The following SGK1 variants were observed in gnomAD, a reference collection of about 807,000 sequenced individuals.
SGK1 encodes the protein serine/threonine-protein kinase Sgk1.
SGK1 carries 26 observed loss-of-function variants against 64.2 expected under a neutral mutation model. The ratio of observed to expected loss-of-function variants is 0.40; its 90% CI spans 0.30 to 0.56. The LOEUF is 0.56. Ranked by LOEUF, SGK1 falls within the 20% of genes least tolerant of loss-of-function variation. The probability of loss-of-function intolerance (pLI) is 0.38; values close to 1 mark genes in which losing one functional copy is unlikely to be tolerated. For synonymous variants in SGK1, 265 were observed against 239.7 expected, an observed-to-expected ratio of 1.11 and a Z score of -0.98; for missense variants, 519 against 645.6, an observed-to-expected ratio of 0.80 and a Z score of 2.12.
At chr6:134,175,553 T>G in intron 3 of SGK1, 1 of 1,539,560 alleles carries the variant, frequency 6.5e-7, no homozygotes, top group South Asian at 1.2e-5. Context: ...CCCAGTCCGC[T>G]CAGCAGGAAG....
chr6:134,254,114 C>CTTTTTT, intron 2 of SGK1, among the ~76,000 whole-genome samples: 1 of 126,812 alleles, frequency 7.9e-6, no homozygotes, highest in Admixed American at 8.4e-5. Context: ...CTAGTCTCTC[C>CTTTTTT]TTTTTTTTTT....
In SGK1 at chr6:134,183,110, T is replaced by C. The variant is rs79231973; in HGVS notation, c.362-8524A>G. ...AAGAGGAACAAGATCCAGCTGAACC[T>C]AGCCTCTGTTAGTTTTAATCATTCA... On this transcript the variant is annotated intron_variant, in intron 3 of 13. Transcript: ENST00000367858. Among the ~76,000 whole-genome samples, 292 of 152,322 alleles carry C rather than the reference T, an allele frequency of 1.9e-3. 1 individual carries two copies. Among genetic ancestry groups the C allele is most frequent in the African/African-American group, 6.6e-3 (274 of 41,580 alleles).
At chr6:134,272,286 G>A (rs1776950795) in intron 1 of SGK1, among the ~76,000 whole-genome samples, 1 of 140,044 alleles carries the variant, frequency 7.1e-6, no homozygotes, top group Non-Finnish European at 1.5e-5. Flanking sequence ...GATCACAAGT[G>A]TGCACCACCA....
intron 1 of SGK1, among the ~76,000 whole-genome samples, chr6:134,264,399 T>A (rs768942203): frequency 1.3e-5 from 2 of 152,002 alleles, no homozygotes; most frequent in Non-Finnish European, 2.9e-5. Flanking sequence ...TATTACAGGC[T>A]TGAGCCACTG....
chr6:134,208,903 T>TGC (rs1775839431), intron 2 of SGK1, among the ~76,000 whole-genome samples: 2 of 148,702 alleles, frequency 1.3e-5, no homozygotes, highest in Middle Eastern at 3.5e-3. Context: ...TGTGTATATA[T>TGC]ATATACACAC....
chr6:134,227,021 G>A (rs1037520545), intron 2 of SGK1, among the ~76,000 whole-genome samples: 1 of 152,154 alleles, frequency 6.6e-6, no homozygotes, highest in African/African-American at 2.4e-5. Context: ...GTAGGAAAGC[G>A]TTGTGGTGTT....
In SGK1 at chr6:134,189,310, A is replaced by G. The variant is rs1237815828; in HGVS notation, c.362-14724T>C. Among the ~76,000 whole-genome samples the G allele has an allele frequency of 4.6e-5, 7 of 152,122 alleles. No individual in the cohort carries two copies. The East Asian group carries it at 9.7e-4, about 21-fold the overall frequency. On this transcript the variant is annotated intron_variant, in intron 3 of 13. Transcript: ENST00000367858. ...ATAACACCAACTTTGTTCCCTAATC[A>G]TCATTTCACAGAAGATACAAATGGA...
intron 3 of SGK1, among the ~76,000 whole-genome samples, chr6:134,185,651 GGAGAAA>G (rs1176349941): frequency 1.3e-5 from 2 of 150,852 alleles, no homozygotes; most frequent in African/African-American, 4.9e-5. Context: ...AGAAAGAGAT[GGAGAAA>G]GAGAAAGAGA....
At chr6:134,226,713 AAAAT>A (rs1382421579) in intron 2 of SGK1, among the ~76,000 whole-genome samples, 2 of 152,090 alleles carry the variant, frequency 1.3e-5, no homozygotes, top group Admixed American at 6.5e-5. Flanking sequence ...AATAAAAATA[AAAAT>A]AAATAAATAA....
chr6:134,181,934 T>C (rs1775338061), intron 3 of SGK1, among the ~76,000 whole-genome samples: 1 of 151,992 alleles, frequency 6.6e-6, no homozygotes, highest in Non-Finnish European at 1.5e-5. Context: ...CTTGGCTTAC[T>C]GCAACCTCCG....
intron 1 of SGK1, among the ~76,000 whole-genome samples, chr6:134,314,549 A>T (rs1777650196): frequency 6.6e-6 from 1 of 152,196 alleles, no homozygotes. Context: ...ACATTTAATA[A>T]TGTTTCTTAC....
chr6:134,295,195 T>C (rs1582769499), intron 1 of SGK1, among the ~76,000 whole-genome samples: 4 of 151,676 alleles, frequency 2.6e-5, no homozygotes, highest in Admixed American at 2.6e-4. Context: ...TGGGGAAGAG[T>C]AAGCTATTCT....
intron 2 of SGK1, among the ~76,000 whole-genome samples, chr6:134,216,595 A>T (rs1775989849): frequency 6.6e-6 from 1 of 152,208 alleles, no homozygotes; most frequent in South Asian, 2.1e-4. Flanking sequence ...CTACTACCCT[A>T]GTTGCTAACT....
intron 1 of SGK1, among the ~76,000 whole-genome samples, chr6:134,295,387 C>A (rs1414465281): frequency 6.6e-6 from 1 of 152,166 alleles, no homozygotes; most frequent in East Asian, 1.9e-4. Context: ...ACAGGGATAT[C>A]AAGGTCCCAC....
intron 2 of SGK1, among the ~76,000 whole-genome samples, chr6:134,212,153 A>T (rs1186230615): frequency 2.0e-5 from 3 of 151,670 alleles, no homozygotes; most frequent in Non-Finnish European, 4.4e-5. Context: ...TCCCGGGTTC[A>T]CGCCATTCTC....
intron 3 of SGK1, among the ~76,000 whole-genome samples, chr6:134,206,176 C>T (rs1775765017): frequency 6.6e-6 from 1 of 151,408 alleles, no homozygotes; most frequent in South Asian, 2.1e-4. Flanking sequence ...GTATGATTCA[C>T]CCTAGGTTTT....
chr6:134,197,020 C>T (rs1008467473), intron 3 of SGK1, among the ~76,000 whole-genome samples: 4 of 152,056 alleles, frequency 2.6e-5, no homozygotes, highest in Non-Finnish European at 5.9e-5. Flanking sequence ...ATCACTTGAG[C>T]TTAGGAGTTT....
chr6:134,289,919 C>T (rs776513614), intron 1 of SGK1, among the ~76,000 whole-genome samples: 2 of 151,860 alleles, frequency 1.3e-5, no homozygotes, highest in East Asian at 1.9e-4. Context: ...GAGGCTGAGG[C>T]GGGTGGATCA....
chr6:134,227,215 A>G (rs549668733), intron 2 of SGK1, among the ~76,000 whole-genome samples: 13 of 150,658 alleles, frequency 8.6e-5, no homozygotes, highest in African/African-American at 3.2e-4. Flanking sequence ...ACTCACTGCA[A>G]CCTCCGCCTC....
Sources: gnomAD v4.1 joint callset for allele counts (sites outside exome capture counted in the v4.1 genomes callset) on GRCh38, gnomAD v4.1.1 for gene constraint, MANE v1.5 for transcripts, NCBI Gene and HGNC (gene_info 2026-07-23, HGNC 2026-07-21) for gene names.